Variants in ADAMTS19 observed in about 807,000 individuals in gnomAD.
ADAMTS19 encodes the protein A disintegrin and metalloproteinase with thrombospondin motifs 19.
Under a neutral mutation model 153.3 loss-of-function variants are expected in ADAMTS19, and 93 were observed. The observed-to-expected ratio is 0.61, with a 90% CI of 0.51 to 0.72. ADAMTS19 has a LOEUF of 0.72. Among genes scored for constraint, ADAMTS19 ranks in the 30% least tolerant of loss-of-function variants. ADAMTS19 has a pLI of 0.00. For synonymous variants in ADAMTS19, 600 were observed against 556.6 expected, an observed-to-expected ratio of 1.08 and a Z score of -1.10; for missense variants, 1,482 against 1,552.1, an observed-to-expected ratio of 0.95 and a Z score of 0.76.
rs185309635 is a variant in ADAMTS19, at chr5:129,642,600, A to G, written c.1872+640A>G. 2.1e-4 allele frequency among the ~76,000 whole-genome samples: 32 copies of G among 152,326 alleles called. No individual in the cohort carries two copies. The East Asian group carries it at 5.8e-3, about 28-fold the overall frequency. The stretch of plus-strand genomic sequence containing the variant: ...GGTTAACATAATCAAAAGATAACAG[A>G]TCAATAGTTTACATAATTTTCTAAT... On this transcript the variant is annotated intron_variant, in intron 11 of 22. Coordinates refer to ENST00000274487, the MANE Select transcript of ADAMTS19 (RefSeq NM_133638.6).
At chr5:129,532,072 TAAC>T (rs1435733197) in intron 6 of ADAMTS19, among the ~76,000 whole-genome samples, 1 of 151,818 alleles carries the variant, frequency 6.6e-6, no homozygotes, top group Non-Finnish European at 1.5e-5. Context: ...GCAAAAAAAA[TAAC>T]ATCTTCATGA....
In ADAMTS19 at chr5:129,557,357, G is replaced by A. The variant is rs537770686; in HGVS notation, c.1372+5450G>A. On this transcript the variant is annotated intron_variant, in intron 7 of 22. Coordinates refer to ENST00000274487, the MANE Select transcript of ADAMTS19 (RefSeq NM_133638.6). ...TCCTGCCTGTAATCCCAGCTCTTTG[G>A]GAGGCTGAGGCAGGCAGATTGCTTC... Among the ~76,000 whole-genome samples the A allele has an allele frequency of 3.8e-3, 576 of 152,172 alleles. 5 individuals carry two copies. The highest frequency in any genetic ancestry group is 0.013 in the African/African-American group (552 of 41,508).
At position 129,584,231 on chromosome 5, in the gene ADAMTS19, G is replaced by A. The variant is rs534688964; in HGVS notation, c.1373-12328G>A. Among the ~76,000 whole-genome samples, 6 of 152,274 alleles carry A rather than the reference G, an allele frequency of 3.9e-5. No homozygotes were observed. The South Asian group carries it at 1.0e-3, about 26-fold the overall frequency. ...CTGGGTATCACCAGGAGAGGCTGCAGAACAGCAAAGTTTGCCACTGGCTCC... is the reference window on the plus strand; with the variant it reads ...CTGGGTATCACCAGGAGAGGCTGCAAAACAGCAAAGTTTGCCACTGGCTCC... On this transcript the variant is annotated intron_variant, in intron 7 of 22. Coordinates refer to ENST00000274487, the MANE Select transcript of ADAMTS19 (RefSeq NM_133638.6).
At chr5:129,726,973 CT>C (rs1757235770) in intron 21 of ADAMTS19, among the ~76,000 whole-genome samples, 5 of 152,222 alleles carry the variant, frequency 3.3e-5, no homozygotes, top group Admixed American at 3.3e-4. Flanking sequence ...GTTTTGCTTA[CT>C]ATTACATCCC....
At chr5:129,677,957 C>T (rs1297739690) in intron 16 of ADAMTS19, among the ~76,000 whole-genome samples, 7 of 152,042 alleles carry the variant, frequency 4.6e-5, no homozygotes, top group Admixed American at 1.3e-4. Flanking sequence ...GGACTGCAGG[C>T]GGGCACCACC....
chr5:129,722,344 A>G (rs1313619730), intron 21 of ADAMTS19, among the ~76,000 whole-genome samples: 1 of 152,124 alleles, frequency 6.6e-6, no homozygotes, highest in African/African-American at 2.4e-5. Context: ...CATTTCTCTA[A>G]TGATCAGTGA....
intron 10 of ADAMTS19, among the ~76,000 whole-genome samples, chr5:129,624,155 G>C: frequency 7.3e-6 from 1 of 136,264 alleles, no homozygotes; most frequent in Non-Finnish European, 1.6e-5. Context: ...AAAAAAAAAG[G>C]CTGTACGGAC....
chr5:129,595,692 T>C (rs1165044406), intron 7 of ADAMTS19, among the ~76,000 whole-genome samples: 1 of 151,978 alleles, frequency 6.6e-6, no homozygotes, highest in Admixed American at 6.6e-5. Context: ...ATAAAAGGAG[T>C]TTAAAATTTA....
intron 15 of ADAMTS19, among the ~76,000 whole-genome samples, chr5:129,663,806 CT>C (rs767300816): frequency 5.3e-5 from 8 of 152,152 alleles, no homozygotes; most frequent in Non-Finnish European, 1.0e-4. Flanking sequence ...TAAATTCATT[CT>C]CCTGGGCATG....
Position 129,527,848 on chromosome 5 carries a change from T to A in ADAMTS19, c.1170+17T>A, listed in dbSNP as rs146843841. ...GAAACTCCAGTAAGAAAGTCTTGAG[T>A]TTTTTATTAAATTAAATGGGGGAGA... is the stretch of plus-strand genomic sequence containing the variant. On this transcript the variant is annotated intron_variant, in intron 5 of 22. Transcript: ENST00000274487. 5.2e-5 allele frequency: 78 copies of A among 1,513,808 alleles called. 1 individual carries two copies. The African/African-American group carries it at 9.4e-4, about 18-fold the overall frequency. 93.8% of individuals were successfully genotyped at this position (1,513,808 alleles called of 1,614,324 possible).
At chr5:129,472,807 T>C (rs981236652) in intron 2 of ADAMTS19, among the ~76,000 whole-genome samples, 3 of 150,156 alleles carry the variant, frequency 2.0e-5, no homozygotes, top group African/African-American at 7.3e-5. Flanking sequence ...TATATTTATG[T>C]ATTATCTATA....
chr5:129,555,966 A>C (rs1018860978), intron 7 of ADAMTS19, among the ~76,000 whole-genome samples: 5 of 152,198 alleles, frequency 3.3e-5, no homozygotes, highest in Non-Finnish European at 7.4e-5. Flanking sequence ...CTGAGTCAAA[A>C]GGTTTGTGCA....
intron 6 of ADAMTS19, among the ~76,000 whole-genome samples, chr5:129,545,714 A>G (rs928997615): frequency 2.0e-5 from 3 of 150,968 alleles, no homozygotes; most frequent in Admixed American, 1.3e-4. Context: ...TAGAATGGCA[A>G]TCATTAAAAA....
chr5:129,714,275 C>T (rs1756613042), intron 21 of ADAMTS19, among the ~76,000 whole-genome samples: 1 of 150,392 alleles, frequency 6.6e-6, no homozygotes, highest in Non-Finnish European at 1.5e-5. Context: ...AAAAATTAGC[C>T]GGGCGCGGTG....
At chr5:129,546,543 C>T (rs545777834) in intron 6 of ADAMTS19, among the ~76,000 whole-genome samples, 2 of 150,880 alleles carry the variant, frequency 1.3e-5, no homozygotes, top group East Asian at 3.9e-4. Context: ...TCAGAGACTT[C>T]TAATCAATAT....
chr5:129,700,120 A>C (rs1755763298), intron 19 of ADAMTS19, among the ~76,000 whole-genome samples: 1 of 152,210 alleles, frequency 6.6e-6, no homozygotes, highest in Non-Finnish European at 1.5e-5. Flanking sequence ...CACAAATACC[A>C]AATTTTAAGA....
At chr5:129,597,210 A>G (rs912099936) in intron 8 of ADAMTS19, among the ~76,000 whole-genome samples, 1 of 152,212 alleles carries the variant, frequency 6.6e-6, no homozygotes, top group African/African-American at 2.4e-5. Flanking sequence ...AAACCCAAAG[A>G]GGTAGTTATT....
At chr5:129,688,681 A>G (rs1259220345) in intron 18 of ADAMTS19, among the ~76,000 whole-genome samples, 7 of 152,176 alleles carry the variant, frequency 4.6e-5, no homozygotes, top group African/African-American at 1.7e-4. Flanking sequence ...ACATACATAT[A>G]TAAGTTATCA....
At chr5:129,511,773 G>A (rs1751444995) in intron 3 of ADAMTS19, among the ~76,000 whole-genome samples, 1 of 151,834 alleles carries the variant, frequency 6.6e-6, no homozygotes, top group South Asian at 2.1e-4. Flanking sequence ...ATCTGTCTGT[G>A]ATCTTGGGAA....
Sources: gnomAD v4.1 joint callset for allele counts (sites outside exome capture counted in the v4.1 genomes callset) on GRCh38, gnomAD v4.1.1 for gene constraint, MANE v1.5 for transcripts, NCBI Gene and HGNC (gene_info 2026-07-23, HGNC 2026-07-21) for gene names.